The following ADGRB3 variants were observed in gnomAD, a reference collection of about 807,000 sequenced individuals.
ADGRB3 encodes the protein adhesion G protein-coupled receptor B3, also known as brain-specific angiogenesis inhibitor 3.
A neutral mutation model predicts 193.4 loss-of-function variants in ADGRB3; 37 were observed. That is an observed-to-expected ratio of 0.19 (90% confidence interval 0.15 to 0.25). The LOEUF (loss-of-function observed/expected upper bound fraction) is 0.25, where lower values mean the gene tolerates loss of function less well. Ranked by LOEUF, ADGRB3 falls within the 10% of genes least tolerant of loss-of-function variation. The pLI, the probability that ADGRB3 is intolerant of heterozygous loss-of-function variation, is 1.00. For synonymous variants in ADGRB3, 690 were observed against 644.2 expected, an observed-to-expected ratio of 1.07 and a Z score of -1.08; for missense variants, 1,637 against 1,852.9, an observed-to-expected ratio of 0.88 and a Z score of 2.14.
At chr6:68,990,191 T>G (rs1434679376) in intron 10 of ADGRB3, among the ~76,000 whole-genome samples, 2 of 151,610 alleles carry the variant, frequency 1.3e-5, no homozygotes, top group East Asian at 3.9e-4. Flanking sequence ...AGGAAATAGG[T>G]AGTGAAAGGG....
At position 68,686,407 on chromosome 6, in the gene ADGRB3, T is replaced by C. The variant is rs558399664; in HGVS notation, c.757+46975T>C. On this transcript the variant is annotated intron_variant, in intron 3 of 31. Transcript: ENST00000370598. ...ATTTTTGCTTTGACTGGATCACTTC[T>C]ACCTCTTGGTGGCCATTGCTTTGAT... Among the ~76,000 whole-genome samples, 22 of 152,308 alleles carry C rather than the reference T, an allele frequency of 1.4e-4. 1 individual carries two copies. The South Asian group carries it at 4.6e-3, about 32-fold the overall frequency.
chr6:69,211,582 A>G (rs1405681949), intron 17 of ADGRB3, among the ~76,000 whole-genome samples: 1 of 152,176 alleles, frequency 6.6e-6, no homozygotes, highest in African/African-American at 2.4e-5. Flanking sequence ...GCCAACTCTA[A>G]CAAGTAGAAG....
chr6:68,744,558 T>C (rs1766044957), intron 3 of ADGRB3, among the ~76,000 whole-genome samples: 1 of 152,042 alleles, frequency 6.6e-6, no homozygotes, highest in Non-Finnish European at 1.5e-5. Flanking sequence ...TATGCAGCCA[T>C]AAAAAATGAT....
At chr6:68,871,948 A>G (rs1004906406) in intron 3 of ADGRB3, among the ~76,000 whole-genome samples, 1 of 152,152 alleles carries the variant, frequency 6.6e-6, no homozygotes, top group Admixed American at 6.5e-5. Context: ...TTATTTCTTC[A>G]TAAGGTCATC....
In ADGRB3 at chr6:68,829,813, TA is replaced by T. The variant is rs367548187; in HGVS notation, c.758-100744del. Among the ~76,000 whole-genome samples the T allele has an allele frequency of 3.0e-4, 45 of 152,272 alleles. 1 individual carries two copies. The highest frequency in any genetic ancestry group is 3.4e-4 in the Non-Finnish European group (23 of 68,000). On this transcript the variant is annotated intron_variant, in intron 3 of 31. Transcript: ENST00000370598. ...ACATTTATCTAAAATGACTATCATGTAACAGGAGTTCTATTTTCACTTTGAT... is the reference window on the plus strand; with the variant it reads ...ACATTTATCTAAAATGACTATCATGTACAGGAGTTCTATTTTCACTTTGAT...
intron 17 of ADGRB3, among the ~76,000 whole-genome samples, chr6:69,216,339 AG>A (rs1187614947): frequency 5.3e-5 from 8 of 152,336 alleles, no homozygotes; most frequent in Admixed American, 1.3e-4. Flanking sequence ...AGACTGATTT[AG>A]GATCAAGGTT....
intron 16 of ADGRB3, among the ~76,000 whole-genome samples, chr6:69,068,333 A>G (rs1771969885): frequency 6.6e-6 from 1 of 152,152 alleles, no homozygotes; most frequent in Admixed American, 6.6e-5. Context: ...TTGCTTTTGG[A>G]CGTAAAAGAA....
chr6:68,854,761 C>T (rs898498106), intron 3 of ADGRB3, among the ~76,000 whole-genome samples: 1 of 152,148 alleles, frequency 6.6e-6, no homozygotes, highest in Non-Finnish European at 1.5e-5. Context: ...GACTCTAGGG[C>T]ACAGATTTCT....
intron 3 of ADGRB3, among the ~76,000 whole-genome samples, chr6:68,817,973 A>G (rs492444): frequency 0.62 from 94,882 of 151,920 alleles, 30,373 homozygotes; most frequent in East Asian, 0.84. Flanking sequence ...AAATTGAGAA[A>G]TACATCTGTA....
Position 68,674,934 on chromosome 6 carries a change from A to T in ADGRB3, c.757+35502A>T, listed in dbSNP as rs1269282145. Among the ~76,000 whole-genome samples the T allele has an allele frequency of 2.0e-5, 3 of 152,180 alleles. No homozygotes were observed. In the East Asian group the frequency reaches 5.8e-4, roughly 29 times the overall value. ...CGTTCATAGGTTCTACCTGGAGTAT[A>T]GGGTGTGGATCAGTGTAAAATATAA... On this transcript the variant is annotated intron_variant, in intron 3 of 31. Coordinates refer to ENST00000370598, the MANE Select transcript of ADGRB3 (RefSeq NM_001704.3).
At chr6:68,790,792 C>T (rs1205162114) in intron 3 of ADGRB3, among the ~76,000 whole-genome samples, 1 of 152,100 alleles carries the variant, frequency 6.6e-6, no homozygotes, top group Non-Finnish European at 1.5e-5. Context: ...ATCTGTACGT[C>T]ACCATCATCA....
At chr6:69,210,695 A>G (rs146165537) in intron 17 of ADGRB3, among the ~76,000 whole-genome samples, 1 of 152,230 alleles carries the variant, frequency 6.6e-6, no homozygotes, top group African/African-American at 2.4e-5. Flanking sequence ...TGACTTAATC[A>G]TTTCTTAAAG....
intron 17 of ADGRB3, among the ~76,000 whole-genome samples, chr6:69,133,272 C>T (rs1036252436): frequency 4.6e-5 from 7 of 151,988 alleles, no homozygotes; most frequent in African/African-American, 9.7e-5. Flanking sequence ...AATGTTTTTC[C>T]ATTTATTTGT....
chr6:69,239,585 G>C (rs191375538), intron 20 of ADGRB3, among the ~76,000 whole-genome samples: 10 of 151,914 alleles, frequency 6.6e-5, no homozygotes, highest in Admixed American at 1.3e-4. Context: ...CTTTTGTTTT[G>C]GTCTAATTTA....
chr6:68,830,155 A>G (rs1285768018), intron 3 of ADGRB3, among the ~76,000 whole-genome samples: 1 of 152,182 alleles, frequency 6.6e-6, no homozygotes, highest in Non-Finnish European at 1.5e-5. Context: ...AAGTATTTCC[A>G]TAATCAGGGA....
At position 68,667,495 on chromosome 6, in the gene ADGRB3, C is replaced by T. The variant is rs1482360418; in HGVS notation, c.757+28063C>T. Reference sequence around the variant, plus strand: ...AATGATTCCAGTCTGAATTTATATCCGTAGAACCTGAGAAAGTCAAACAAT... The same window carrying T: ...AATGATTCCAGTCTGAATTTATATCTGTAGAACCTGAGAAAGTCAAACAAT... On this transcript the variant is annotated intron_variant, in intron 3 of 31. Transcript: ENST00000370598. Among the ~76,000 whole-genome samples the T allele has an allele frequency of 1.6e-4, 24 of 151,720 alleles. 1 individual carries two copies. The highest frequency in any genetic ancestry group is 1.5e-3 in the Admixed American group (23 of 15,174).
chr6:69,246,803 TAGC>T (rs1766507253), intron 20 of ADGRB3, among the ~76,000 whole-genome samples: 2 of 152,180 alleles, frequency 1.3e-5, no homozygotes, highest in African/African-American at 4.8e-5. Flanking sequence ...TGAGTATTCT[TAGC>T]TTCAACTTCA....
At chr6:69,339,179 A>T (rs1481615349) in intron 25 of ADGRB3, among the ~76,000 whole-genome samples, 154 bp from the exon 26 acceptor site, 1 of 152,188 alleles carries the variant, frequency 6.6e-6, no homozygotes, top group East Asian at 1.9e-4. Context: ...TAGTATATAA[A>T]AAAAAAAATA....
rs1582350439 is a variant in ADGRB3 at position 68,960,168 on chromosome 6, C to G, written c.1525+3359C>G. 2.0e-5 allele frequency among the ~76,000 whole-genome samples: 3 copies of G among 152,188 alleles called. No individual in the cohort carries two copies. The South Asian group carries it at 6.2e-4, about 32-fold the overall frequency. ...ATCATTACTCTTTAGTCATTAACTGCTAAGTTGGAACCTACCATTTACAAG... is the reference window on the plus strand; with the variant it reads ...ATCATTACTCTTTAGTCATTAACTGGTAAGTTGGAACCTACCATTTACAAG... On this transcript the variant is annotated intron_variant, in intron 8 of 31. Coordinates refer to ENST00000370598, the MANE Select transcript of ADGRB3 (RefSeq NM_001704.3).
Sources: allele counts gnomAD v4.1 joint callset (sites outside exome capture counted in the v4.1 genomes callset), GRCh38; gene constraint gnomAD v4.1.1; transcripts MANE v1.5; gene names NCBI Gene and HGNC (gene_info 2026-07-23, HGNC 2026-07-21).